Variants in RBFOX1 observed in about 807,000 individuals in gnomAD.
RBFOX1 encodes RNA binding fox-1 homolog 1.
In RBFOX1, 8 loss-of-function variants were observed where a neutral mutation model predicts 57.7. The ratio of observed to expected loss-of-function variants is 0.14; its 90% CI spans 0.08 to 0.25. RBFOX1 has a LOEUF of 0.25. RBFOX1 is among the 10% of genes least tolerant of loss of function. The pLI, the probability that RBFOX1 is intolerant of heterozygous loss-of-function variation, is 1.00. For missense variants in RBFOX1, 611 were observed against 548.5 expected (o/e 1.11, Z -1.14); for synonymous variants, 326 against 222.4 (o/e 1.47, Z -4.15).
chr16:6,858,213 A>T (rs2058262827), intron 3 of RBFOX1, among the ~76,000 whole-genome samples: 1 of 152,210 alleles, frequency 6.6e-6, no homozygotes, highest in Admixed American at 6.5e-5. Context: ...TTGTTGGTAA[A>T]CGAAGGTTGA....
At chr16:6,601,597 C>A (rs548997331) in intron 2 of RBFOX1, among the ~76,000 whole-genome samples, 3 of 152,236 alleles carry the variant, frequency 2.0e-5, no homozygotes, top group Non-Finnish European at 1.5e-5. Flanking sequence ...ACCACTGTTC[C>A]TCCATCCTAT....
intron 4 of RBFOX1, among the ~76,000 whole-genome samples, chr16:7,352,860 A>G (rs898767966): frequency 3.9e-5 from 6 of 152,012 alleles, no homozygotes; most frequent in African/African-American, 1.4e-4. Context: ...GGACTACAGG[A>G]GCATGCCACC....
intron 3 of RBFOX1, among the ~76,000 whole-genome samples, chr16:7,001,180 G>A (rs1166596456): frequency 6.6e-6 from 1 of 152,094 alleles, no homozygotes; most frequent in East Asian, 1.9e-4. Context: ...ATATTCCAAA[G>A]GAGACTAATG....
At chr16:5,314,444 C>G (rs974012466) in intron 1 of RBFOX1, among the ~76,000 whole-genome samples, 4 of 152,242 alleles carry the variant, frequency 2.6e-5, no homozygotes, top group Admixed American at 1.3e-4. Flanking sequence ...GGGCTGACCG[C>G]TTCACTAGGT....
At chr16:6,811,996 AG>A (rs1270305589) in intron 3 of RBFOX1, among the ~76,000 whole-genome samples, 1 of 152,198 alleles carries the variant, frequency 6.6e-6, no homozygotes, top group Non-Finnish European at 1.5e-5. Flanking sequence ...GCATGAACAG[AG>A]GTGGCCATGC....
At chr16:6,967,940 G>A (rs1336569817) in intron 3 of RBFOX1, among the ~76,000 whole-genome samples, 1 of 152,176 alleles carries the variant, frequency 6.6e-6, no homozygotes, top group Non-Finnish European at 1.5e-5. Context: ...TGCCCCGGGT[G>A]CCAGAAGGAT....
At chr16:6,640,669 AC>A (rs1310482124) in intron 2 of RBFOX1, among the ~76,000 whole-genome samples, 1 of 152,176 alleles carries the variant, frequency 6.6e-6, no homozygotes, top group African/African-American at 2.4e-5. Context: ...GGAAGTAGGT[AC>A]ATTGGGGTAT....
intron 4 of RBFOX1, among the ~76,000 whole-genome samples, chr16:7,240,065 C>G (rs1318954129): frequency 6.6e-6 from 1 of 152,128 alleles, no homozygotes; most frequent in East Asian, 1.9e-4. Context: ...CTCCTGAGTT[C>G]AAGCGATTCT....
At chr16:7,244,910 T>C (rs1367260907) in intron 4 of RBFOX1, among the ~76,000 whole-genome samples, 1 of 152,182 alleles carries the variant, frequency 6.6e-6, no homozygotes, top group African/African-American at 2.4e-5. Flanking sequence ...GTGAAGCTAA[T>C]TGGTAATTGG....
At chr16:5,545,515 A>G (rs973906214) in intron 2 of RBFOX1, among the ~76,000 whole-genome samples, 2 of 152,176 alleles carry the variant, frequency 1.3e-5, no homozygotes, top group South Asian at 4.1e-4. Flanking sequence ...GTAATATATC[A>G]TGGTCAAGGG....
intron 3 of RBFOX1, among the ~76,000 whole-genome samples, chr16:6,660,030 C>T (rs548878846): frequency 6.6e-6 from 1 of 151,816 alleles, no homozygotes; most frequent in African/African-American, 2.4e-5. Flanking sequence ...TTCGAGACCA[C>T]CATGGCCAAC....
At chr16:7,021,912 C>CT (rs1568407103) in intron 3 of RBFOX1, among the ~76,000 whole-genome samples, 1 of 148,696 alleles carries the variant, frequency 6.7e-6, no homozygotes, top group East Asian at 2.0e-4. Flanking sequence ...TTCTTTCTTT[C>CT]TTTTCTTTCT....
At chr16:6,824,886 T>C (rs2091896664) in intron 3 of RBFOX1, among the ~76,000 whole-genome samples, 1 of 151,548 alleles carries the variant, frequency 6.6e-6, no homozygotes, top group Non-Finnish European at 1.5e-5. Context: ...TTGAAAGTGG[T>C]ATTGTTGGGT....
intron 3 of RBFOX1, among the ~76,000 whole-genome samples, chr16:7,020,087 C>T (rs1371423113): frequency 6.6e-6 from 1 of 152,098 alleles, no homozygotes; most frequent in Non-Finnish European, 1.5e-5. Context: ...AGCCTCCCCA[C>T]TTCCATTGTC....
At chr16:7,232,348 A>T (rs906563449) in intron 4 of RBFOX1, among the ~76,000 whole-genome samples, 3 of 152,174 alleles carry the variant, frequency 2.0e-5, no homozygotes, top group Non-Finnish European at 2.9e-5. Flanking sequence ...TGCTTGAGCT[A>T]TGTGTTCATT....
chr16:6,971,719 G>A (rs923965769), intron 3 of RBFOX1, among the ~76,000 whole-genome samples: 2 of 152,132 alleles, frequency 1.3e-5, no homozygotes, highest in African/African-American at 4.8e-5. Flanking sequence ...TAGCAGACCT[G>A]TGGGAGTGTG....
intron 4 of RBFOX1, among the ~76,000 whole-genome samples, chr16:5,956,571 C>T (rs2059643252): frequency 6.7e-6 from 1 of 149,832 alleles, no homozygotes; most frequent in Admixed American, 6.7e-5. Context: ...GGAAAACAGG[C>T]AGTGGGCTGC....
intron 2 of RBFOX1, among the ~76,000 whole-genome samples, chr16:6,645,378 G>C (rs984060520): frequency 3.3e-5 from 5 of 152,098 alleles, no homozygotes; most frequent in African/African-American, 1.2e-4. Context: ...CTGAGGTCTC[G>C]GGAGCTTCGT....
intron 12 of RBFOX1, among the ~76,000 whole-genome samples, chr16:7,659,560 C>T (rs558344455): frequency 1.3e-5 from 2 of 152,124 alleles, no homozygotes; most frequent in Admixed American, 6.5e-5. Context: ...ATAAAGTACA[C>T]ATACACTAAC....
Sources: allele counts gnomAD v4.1 joint callset (sites outside exome capture counted in the v4.1 genomes callset), GRCh38; gene constraint gnomAD v4.1.1; transcripts MANE v1.5; gene names NCBI Gene and HGNC (gene_info 2026-07-23, HGNC 2026-07-21).